The following BACH2 variants were observed in gnomAD, a reference collection of about 807,000 sequenced individuals.
BACH2 encodes the protein BACH transcriptional regulator 2.
Under a neutral mutation model 61.8 loss-of-function variants are expected in BACH2, and 5 were observed. The observed-to-expected ratio is 0.08, with a 90% CI of 0.04 to 0.17. The LOEUF (loss-of-function observed/expected upper bound fraction) is 0.17. Ranked by LOEUF, BACH2 falls within the 10% of genes least tolerant of loss-of-function variation. The pLI is 1.00. For synonymous variants in BACH2, 446 were observed against 440.1 expected, an observed-to-expected ratio of 1.01 and a Z score of -0.17; for missense variants, 824 against 1,091.1, an observed-to-expected ratio of 0.76 and a Z score of 3.45.
At position 90,119,954 on chromosome 6, in the gene BACH2, A is replaced by G. The variant is rs1164510665; in HGVS notation, c.-161-30845T>C. On this transcript the variant is annotated intron_variant, in intron 4 of 8. Transcript: ENST00000257749. Reference sequence around the variant, plus strand: ...GTCAGGGGACCATTAAGGACCCAGGAAAGCCAGCAAAGGACTAGGAGATTT... The same window carrying G: ...GTCAGGGGACCATTAAGGACCCAGGGAAGCCAGCAAAGGACTAGGAGATTT... Among the ~76,000 whole-genome samples the G allele has an allele frequency of 2.0e-5, 3 of 152,232 alleles. No homozygotes were observed. In the East Asian group the frequency reaches 5.8e-4, roughly 29 times the overall value.
At position 90,009,197 on chromosome 6, in the gene BACH2, T is replaced by G. The variant is rs778608089; in HGVS notation, c.-12-341A>C. Among the ~76,000 whole-genome samples, 5 of 152,368 alleles carry G rather than the reference T, an allele frequency of 3.3e-5. 1 individual carries two copies. ...AACTTGGTGGTTCTGATTTTGTTAG[T>G]AGGCTGAAAAAGAAATTTCACATGT... On this transcript the variant is annotated intron_variant, in intron 5 of 8. Transcript: ENST00000257749.
chr6:90,044,427 C>CAT (rs1248988924), intron 5 of BACH2, among the ~76,000 whole-genome samples: 1 of 152,170 alleles, frequency 6.6e-6, no homozygotes. Context: ...CCAGCGAAAG[C>CAT]TGCAGAGGTA....
At chr6:89,954,307 T>TA (rs71027915) in intron 6 of BACH2, among the ~76,000 whole-genome samples, 13,960 of 151,788 alleles carry the variant, frequency 0.092, 745 homozygotes, top group East Asian at 0.2. Flanking sequence ...TCTTTTTTTT[T>TA]TTATTATTAT....
In BACH2 at chr6:89,951,216, T is replaced by C; in HGVS notation, c.890A>G (p.Glu297Gly). 6.2e-7 allele frequency: 1 copy of C among 1,614,054 alleles called. No homozygotes were observed. The highest frequency in any genetic ancestry group is 1.1e-5 in the South Asian group (1 of 91,084). The stretch of plus-strand genomic sequence containing the variant: ...CCCCGCTCTGTCCTTGGCGTCAGGC[T>C]CATCTCCAGACAGGCAGAGCGTGAT... Reference protein sequence around the residue: ...ESITLCLSGDEPDAKDRAGDV... With the variant: ...ESITLCLSGDGPDAKDRAGDV... The change falls in exon 7 of 9, where the codon GAG becomes GGG. Residue 297 changes from glutamate to glycine, a missense_variant. Glu to Gly is a moderately conservative substitution (Grantham distance 98). This residue lies in a region of BACH2 where 226 missense variants were observed against 228.5 expected (regional missense o/e 0.99). Coordinates refer to ENST00000257749, the MANE Select transcript of BACH2 (RefSeq NM_021813.4). This position sits in a 1 kb window ranked among gnomAD's most constrained non-coding sequence, Gnocchi z 6.4.
rs34539345 is a variant in BACH2 at position 90,203,391 on chromosome 6, CAAAAAAAAA to C, written c.-162+3169_-162+3177del. ...GAGCAAGACCCTCTCTCTCTCTCTC[CAAAAAAAAA>C]AAAAAAAAAAAAAAAAGAGTTAAAT... On this transcript the variant is annotated intron_variant, in intron 4 of 8. Coordinates refer to ENST00000257749, the MANE Select transcript of BACH2 (RefSeq NM_021813.4). Among the ~76,000 whole-genome samples the C allele has an allele frequency of 7.5e-3, 450 of 59,836 alleles. 3 individuals are homozygous for C. The highest frequency in any genetic ancestry group is 0.029 in the African/African-American group (403 of 13,990). The allele number at this position is 59,836 out of a possible 152,430, so 39.3% of individuals were successfully genotyped here.
chr6:90,295,560 C>CGGA (rs1772319980), intron 1 of BACH2, among the ~76,000 whole-genome samples: 1 of 152,116 alleles, frequency 6.6e-6, no homozygotes, highest in Non-Finnish European at 1.5e-5. Flanking sequence ...AGCGGGGCCA[C>CGGA]GGAGCGCCTC....
At chr6:90,266,944 A>G (rs1161208496) in intron 2 of BACH2, among the ~76,000 whole-genome samples, 1 of 152,196 alleles carries the variant, frequency 6.6e-6, no homozygotes, top group Non-Finnish European at 1.5e-5. Flanking sequence ...ATGGCAACGC[A>G]TAGTCTTTGA....
chr6:90,180,576 A>G (rs191831873), intron 4 of BACH2, among the ~76,000 whole-genome samples: 394 of 152,224 alleles, frequency 2.6e-3, no homozygotes, highest in African/African-American at 9.0e-3. Flanking sequence ...ACCACTCTGT[A>G]TGCCTTTGTG....
rs186405539 is a variant in BACH2 at position 90,129,124 on chromosome 6, C to T, written c.-161-40015G>A. 2.3e-3 allele frequency among the ~76,000 whole-genome samples: 353 copies of T among 152,062 alleles called. 2 individuals carry two copies. Among genetic ancestry groups the T allele is most frequent in the African/African-American group, 7.8e-3 (324 of 41,458 alleles). The stretch of plus-strand genomic sequence containing the variant: ...AGGAGATATACCTAATGCTAAATGA[C>T]GAGTTAATGGGTGCAGCACACCAAT... On this transcript the variant is annotated intron_variant, in intron 4 of 8. Transcript: ENST00000257749.
At chr6:90,059,275 C>T (rs1384547320) in intron 5 of BACH2, among the ~76,000 whole-genome samples, 1 of 152,184 alleles carries the variant, frequency 6.6e-6, no homozygotes, top group Non-Finnish European at 1.5e-5. Flanking sequence ...AACAAATTTA[C>T]AAGAAAAAAA....
At chr6:89,965,520 C>A (rs1191284971) in intron 6 of BACH2, among the ~76,000 whole-genome samples, 1 of 152,216 alleles carries the variant, frequency 6.6e-6, no homozygotes, top group Non-Finnish European at 1.5e-5. Context: ...TCTTCCTCCC[C>A]ACTCCATCAC....
At chr6:90,040,408 A>G (rs143959724) in intron 5 of BACH2, among the ~76,000 whole-genome samples, 7 of 152,258 alleles carry the variant, frequency 4.6e-5, no homozygotes, top group East Asian at 1.9e-4. Flanking sequence ...TCTGGACTCT[A>G]TAAGGTGCCA....
At chr6:90,045,961 C>T (rs1245310036) in intron 5 of BACH2, among the ~76,000 whole-genome samples, 1 of 152,084 alleles carries the variant, frequency 6.6e-6, no homozygotes. Flanking sequence ...CCCTAAAAAC[C>T]ATGAGGACTC....
At chr6:90,120,203 T>C (rs1240254757) in intron 4 of BACH2, among the ~76,000 whole-genome samples, 1 of 152,172 alleles carries the variant, frequency 6.6e-6, no homozygotes, top group Admixed American at 6.5e-5. Flanking sequence ...ACCGTAGAGT[T>C]GAGAAGAAGT....
intron 4 of BACH2, among the ~76,000 whole-genome samples, chr6:90,197,862 G>A (rs912487840): frequency 6.6e-6 from 1 of 152,206 alleles, no homozygotes; most frequent in African/African-American, 2.4e-5. Context: ...CTCAAAAAAT[G>A]AGGATGAACA....
At chr6:90,020,355 T>C (rs2127784674) in intron 5 of BACH2, among the ~76,000 whole-genome samples, 1 of 152,294 alleles carries the variant, frequency 6.6e-6, no homozygotes, top group South Asian at 2.1e-4. Context: ...GATTGGGACA[T>C]GAAGGCCCTG....
chr6:90,029,110 C>G (rs943074318), intron 5 of BACH2, among the ~76,000 whole-genome samples: 3 of 152,160 alleles, frequency 2.0e-5, no homozygotes, highest in Admixed American at 1.3e-4. Flanking sequence ...ACCTAACACC[C>G]AGACTCTCCC....
chr6:90,230,823 T>C (rs575355523), intron 3 of BACH2, among the ~76,000 whole-genome samples: 1 of 152,334 alleles, frequency 6.6e-6, no homozygotes, highest in South Asian at 2.1e-4. Flanking sequence ...AAATGTGTTT[T>C]GCTCAAGATC....
chr6:90,097,045 G>A (rs1782409392), intron 4 of BACH2, among the ~76,000 whole-genome samples: 1 of 152,166 alleles, frequency 6.6e-6, no homozygotes, highest in South Asian at 2.1e-4. Context: ...CTGACATCCA[G>A]CACCAGGCTC....
Sources: allele counts gnomAD v4.1 joint callset (sites outside exome capture counted in the v4.1 genomes callset), GRCh38; gene constraint gnomAD v4.1.1; regional missense constraint gnomAD v4.1.1; non-coding constraint Gnocchi (gnomAD v3.1); transcripts MANE v1.5; gene names NCBI Gene and HGNC (gene_info 2026-07-23, HGNC 2026-07-21).